The following SCIN variants were observed in gnomAD, a reference collection of about 807,000 sequenced individuals.
The protein encoded by SCIN is scinderin.
In SCIN, 91 loss-of-function variants were observed where a neutral mutation model predicts 91.8. The observed-to-expected ratio is 0.99, with a 90% confidence interval of 0.84 to 1.18. The LOEUF (loss-of-function observed/expected upper bound fraction) is 1.18, where lower values mean the gene tolerates loss of function less well. Ranked by LOEUF, SCIN falls within the 50% of genes most tolerant of loss-of-function variation. The probability of loss-of-function intolerance (pLI) is 0.00; values close to 1 mark genes in which losing one functional copy is unlikely to be tolerated. For synonymous variants in SCIN, 367 were observed against 312.6 expected (o/e 1.17, Z -1.84); for missense variants, 1,087 against 863.9 (o/e 1.26, Z -3.24).
At chr7:12,596,301 T>C (rs1782839733) in intron 3 of SCIN, 1 of 454,306 alleles carries the variant, frequency 2.2e-6, no homozygotes, top group Non-Finnish European at 4.4e-6. Flanking sequence ...TACTCCACCA[T>C]GTTGTCTCAT....
chr7:12,599,039 G>A (rs757858274), intron 3 of SCIN, among the ~76,000 whole-genome samples: 12 of 152,132 alleles, frequency 7.9e-5, no homozygotes, highest in Non-Finnish European at 1.8e-4. Context: ...CCATTGAAAA[G>A]TAAGTCTACT....
chr7:12,571,229 G>T, intron 1 of SCIN: 1 of 549,190 alleles, frequency 1.8e-6, no homozygotes, highest in South Asian at 2.4e-5. Flanking sequence ...ACCTTTGCCA[G>T]GTGTAGTTCC....
chr7:12,598,919 G>C (rs898199169), intron 3 of SCIN, among the ~76,000 whole-genome samples: 1 of 151,656 alleles, frequency 6.6e-6, no homozygotes, highest in East Asian at 1.9e-4. Flanking sequence ...AAAAAAAAGA[G>C]AGAGAGAAAG....
intron 2 of SCIN, among the ~76,000 whole-genome samples, chr7:12,580,164 C>T (rs1228026341): frequency 1.3e-5 from 2 of 151,716 alleles, no homozygotes; most frequent in African/African-American, 4.8e-5. Context: ...ATTTTCCGTA[C>T]CATTATTATT....
At chr7:12,625,997 C>A in intron 7 of SCIN, 147 bp downstream of exon 7, 2 of 586,528 alleles carry the variant, frequency 3.4e-6, no homozygotes, top group Non-Finnish European at 6.0e-6. Flanking sequence ...ATCTGGTGTC[C>A]CTCTTCTTTA....
chr7:12,606,308 C>T (rs1238391321), intron 4 of SCIN, among the ~76,000 whole-genome samples: 2 of 152,154 alleles, frequency 1.3e-5, no homozygotes, highest in Non-Finnish European at 1.5e-5. Context: ...GAATATTATA[C>T]ATATTCCTCC....
At chr7:12,620,326 G>C (rs1783381835) in intron 4 of SCIN, among the ~76,000 whole-genome samples, 1 of 152,054 alleles carries the variant, frequency 6.6e-6, no homozygotes, top group African/African-American at 2.4e-5. Context: ...CTGAAAGTCT[G>C]AATTCTTTCA....
rs1345346713 is a variant in SCIN, at chr7:12,654,423, T to C, written c.*1708T>C. 1 of 152,172 alleles carries C rather than the reference T, an allele frequency of 6.6e-6. No homozygotes were observed. The highest frequency in any genetic ancestry group is 1.5e-5 in the Non-Finnish European group (1 of 68,022). 9.4% of individuals were successfully genotyped at this position (152,172 alleles called of 1,614,324 possible). A position where few individuals can be genotyped will look rare whatever the true frequency, so the allele number is the denominator to read the frequency against. Reference sequence around the variant, plus strand: ...AAATTTACCTAAAAAGGCGTTTTCTTGCTATGGCAGTGTAACCTGTACTAA... The same window carrying C: ...AAATTTACCTAAAAAGGCGTTTTCTCGCTATGGCAGTGTAACCTGTACTAA... On this transcript the variant is annotated 3_prime_UTR_variant, in exon 16 of 16. Coordinates refer to ENST00000297029, the MANE Select transcript of SCIN (RefSeq NM_001112706.3).
intron 1 of SCIN, among the ~76,000 whole-genome samples, chr7:12,572,667 C>T (rs1782293237): frequency 6.6e-6 from 1 of 152,186 alleles, no homozygotes; most frequent in African/African-American, 2.4e-5. Context: ...TTTACAGATT[C>T]ACCTTATTCA....
In SCIN at chr7:12,639,675, T is replaced by G. The variant is rs192416524; in HGVS notation, c.1411-672T>G. 4.6e-3 allele frequency among the ~76,000 whole-genome samples: 703 copies of G among 152,316 alleles called. 5 individuals are homozygous for G. The highest frequency in any genetic ancestry group is 0.016 in the African/African-American group (659 of 41,562). The stretch of plus-strand genomic sequence containing the variant: ...TCAATTTCCTCATCCTGAAAAGTCT[T>G]TATATTGTATTTTTTAAAGTTTCTT... On this transcript the variant is annotated intron_variant, in intron 10 of 15. Coordinates refer to ENST00000297029, the MANE Select transcript of SCIN (RefSeq NM_001112706.3).
chr7:12,623,268 A>G (rs1172435699), intron 5 of SCIN, among the ~76,000 whole-genome samples: 1 of 152,146 alleles, frequency 6.6e-6, no homozygotes, highest in African/African-American at 2.4e-5. Flanking sequence ...TCTTCACCCT[A>G]TTTAAAACAT....
At chr7:12,584,064 G>C (rs1012949619) in intron 3 of SCIN, among the ~76,000 whole-genome samples, 1 of 152,078 alleles carries the variant, frequency 6.6e-6, no homozygotes, top group Admixed American at 6.6e-5. Flanking sequence ...ATACCTCCAG[G>C]ATCTGTGTTT....
At chr7:12,624,599 C>T (rs780492330) in intron 5 of SCIN, among the ~76,000 whole-genome samples, 1 of 152,080 alleles carries the variant, frequency 6.6e-6, no homozygotes, top group Non-Finnish European at 1.5e-5. Flanking sequence ...TTATTACCTA[C>T]TTGAAAAGAT....
rs147285818 is a variant in SCIN at position 12,618,996 on chromosome 7, G to A, written c.667-3805G>A. ...ATTTGCTTTAATATTTATGAGACAC[G>A]GATCTAAGGCAAAACTCCTAACTTC... is the stretch of plus-strand genomic sequence containing the variant. On this transcript the variant is annotated intron_variant, in intron 4 of 15. Coordinates refer to ENST00000297029, the MANE Select transcript of SCIN (RefSeq NM_001112706.3). Among the ~76,000 whole-genome samples the A allele has an allele frequency of 2.6e-5, 4 of 152,052 alleles. No individual in the cohort carries two copies. In the East Asian group the frequency reaches 7.7e-4, roughly 29 times the overall value.
In SCIN at chr7:12,570,985, G is replaced by C. The variant is rs550577206; in HGVS notation, c.199G>C (p.Gly67Arg). The C allele has an allele frequency of 2.6e-5, 40 of 1,547,772 alleles. No homozygotes were observed. The African/African-American group carries it at 2.6e-4, about 10-fold the overall frequency. The change falls in exon 1 of 16, where the codon GGA (glycine) becomes CGA (arginine). Residue 67 changes from glycine to arginine, a missense_variant and splice_region_variant. Transcript: ENST00000297029. ...GFTYHLHFWL[G>R]KECSQDESTA... is the part of the protein sequence containing the mutation. ...CACCTACCACCTGCACTTCTGGCTC[G>C]GTAAGGGACGGCGGGCGGCGGGACC...
At chr7:12,624,294 C>T (rs988784518) in intron 5 of SCIN, among the ~76,000 whole-genome samples, 1 of 152,202 alleles carries the variant, frequency 6.6e-6, no homozygotes, top group Non-Finnish European at 1.5e-5. Context: ...AGCATACAAG[C>T]TGGCCATTGA....
intron 9 of SCIN, among the ~76,000 whole-genome samples, chr7:12,635,581 C>T (rs1299249963): frequency 1.5e-5 from 2 of 129,916 alleles, no homozygotes; most frequent in Non-Finnish European, 3.1e-5. Flanking sequence ...CATTGCACTC[C>T]AGCCCGGGCG....
intron 3 of SCIN, among the ~76,000 whole-genome samples, chr7:12,597,526 T>G (rs1782868654): frequency 6.6e-6 from 1 of 152,208 alleles, no homozygotes; most frequent in Non-Finnish European, 1.5e-5. Flanking sequence ...AAATCTTGCT[T>G]TTCCTCAAGG....
chr7:12,642,739 C>CT, intron 11 of SCIN, among the ~76,000 whole-genome samples: 1 of 151,778 alleles, frequency 6.6e-6, no homozygotes, highest in Middle Eastern at 3.4e-3. Flanking sequence ...TTGAGCAATT[C>CT]TTTTTTCACT....
Sources: gnomAD v4.1 joint callset for allele counts (sites outside exome capture counted in the v4.1 genomes callset) on GRCh38, gnomAD v4.1.1 for gene constraint, MANE v1.5 for transcripts, NCBI Gene and HGNC (gene_info 2026-07-23, HGNC 2026-07-21) for gene names.